Variants in ACER3 observed in about 807,000 individuals in gnomAD.
ACER3 encodes alkaline ceramidase 3.
Under a neutral mutation model 48.9 loss-of-function variants are expected in ACER3, and 16 were observed. The ratio of observed to expected loss-of-function variants is 0.33; its 90% confidence interval spans 0.22 to 0.50. ACER3 has a LOEUF of 0.50. Ranked by LOEUF, ACER3 falls within the 20% of genes least tolerant of loss-of-function variation. The pLI is 0.98. For missense variants in ACER3, 227 were observed against 326.0 expected, an observed-to-expected ratio of 0.70 and a Z score of 2.34; for synonymous variants, 109 against 107.8, an observed-to-expected ratio of 1.01 and a Z score of -0.07.
chr11:76,975,874 C>CTTTTTTT (rs34786738), intron 3 of ACER3, among the ~76,000 whole-genome samples: 55 of 82,772 alleles, frequency 6.6e-4, no homozygotes, highest in African/African-American at 2.4e-3. Context: ...TTTTTCTTTT[C>CTTTTTTT]TTTTTTTTTT....
At chr11:76,940,660 G>A (rs1456509832) in intron 2 of ACER3, among the ~76,000 whole-genome samples, 1 of 152,116 alleles carries the variant, frequency 6.6e-6, no homozygotes, top group Non-Finnish European at 1.5e-5. Context: ...ACCAACTGTG[G>A]TGGTAAATGA....
intron 1 of ACER3, among the ~76,000 whole-genome samples, chr11:76,874,117 T>C (rs7117682): frequency 0.6 from 90,634 of 152,000 alleles, 29,364 homozygotes; most frequent in Non-Finnish European, 0.74. Context: ...ATGAAAGTCC[T>C]AGATATTTTA....
At chr11:76,976,465 T>G (rs1336932956) in intron 4 of ACER3, 124 bp downstream of exon 4, 1 of 597,224 alleles carries the variant, frequency 1.7e-6, no homozygotes, top group African/African-American at 1.9e-5. Flanking sequence ...GATTATAAAT[T>G]TTATGATATC....
At chr11:76,973,021 T>C (rs114233139) in intron 3 of ACER3, among the ~76,000 whole-genome samples, 1,637 of 152,340 alleles carry the variant, frequency 0.011, 36 homozygotes, top group African/African-American at 0.037. Context: ...AAATGTTCCT[T>C]TGTCAAGATA....
chr11:76,952,140 A>G (rs1301308776), intron 2 of ACER3, among the ~76,000 whole-genome samples: 1 of 59,890 alleles, frequency 1.7e-5, no homozygotes, highest in Non-Finnish European at 5.7e-5. Context: ...ATATATATAT[A>G]CACACACACA....
intron 1 of ACER3, among the ~76,000 whole-genome samples, chr11:76,897,025 T>C (rs1945951317): frequency 6.6e-6 from 1 of 152,154 alleles, no homozygotes; most frequent in African/African-American, 2.4e-5. Flanking sequence ...TGGTGCAATC[T>C]CAGCTCACTG....
In ACER3 at chr11:76,950,352, CATATATAT is replaced by C. The variant is rs774580764; in HGVS notation, c.215-8575_215-8568del. Among the ~76,000 whole-genome samples the C allele has an allele frequency of 6.8e-3, 244 of 35,694 alleles. 1 individual carries two copies. The highest frequency in any genetic ancestry group is 0.031 in the Middle Eastern group (1 of 32). The allele number at this position is 35,694 out of a possible 152,430, so 23.4% of individuals were successfully genotyped here. ...GTTTTAAACAGGAGAGTGACATGATCATATATATATATATATATATATATATATATATA... is the reference window on the plus strand; with the variant it reads ...GTTTTAAACAGGAGAGTGACATGATCATATATATATATATATATATATATA... On this transcript the variant is annotated intron_variant, in intron 2 of 10. Transcript: ENST00000532485.
intron 1 of ACER3, among the ~76,000 whole-genome samples, chr11:76,922,779 C>A (rs1466465994): frequency 6.6e-6 from 1 of 151,974 alleles, no homozygotes; most frequent in Non-Finnish European, 1.5e-5. Flanking sequence ...AATTTCTTAA[C>A]CCGCTTTTAC....
chr11:76,969,743 C>T (rs2135116611), intron 3 of ACER3, among the ~76,000 whole-genome samples: 1 of 136,150 alleles, frequency 7.3e-6, no homozygotes, highest in Non-Finnish European at 1.5e-5. Flanking sequence ...GGAATTGAAC[C>T]ATGACAACAC....
intron 2 of ACER3, among the ~76,000 whole-genome samples, chr11:76,932,984 A>T (rs1160694987): frequency 6.6e-6 from 1 of 152,012 alleles, no homozygotes; most frequent in Non-Finnish European, 1.5e-5. Flanking sequence ...GTCAGACCAA[A>T]GGTGGCAGTT....
chr11:76,911,903 T>C (rs1438440341), intron 1 of ACER3, among the ~76,000 whole-genome samples: 1 of 152,206 alleles, frequency 6.6e-6, no homozygotes, highest in Non-Finnish European at 1.5e-5. Flanking sequence ...CCTACCCCAA[T>C]AGAGGCTAAA....
intron 1 of ACER3, among the ~76,000 whole-genome samples, chr11:76,883,438 C>CT (rs60656670): frequency 0.012 from 1,204 of 98,886 alleles, 108 homozygotes; most frequent in East Asian, 0.045. Flanking sequence ...GATTTTCTTG[C>CT]TTTTTTTTTT....
intron 8 of ACER3, among the ~76,000 whole-genome samples, chr11:77,015,723 G>A (rs1949353177): frequency 6.6e-6 from 1 of 152,046 alleles, no homozygotes; most frequent in African/African-American, 2.4e-5. Context: ...AAGAGAGGAG[G>A]GTACTGAACA....
At chr11:76,865,074 A>G (rs555066031) in intron 1 of ACER3, among the ~76,000 whole-genome samples, 5 of 151,652 alleles carry the variant, frequency 3.3e-5, no homozygotes, top group Admixed American at 2.6e-4. Flanking sequence ...CCCAGGCTCA[A>G]GTGATCCTGC....
intron 1 of ACER3, among the ~76,000 whole-genome samples, chr11:76,911,329 C>T (rs1174921326): frequency 2.0e-5 from 3 of 152,140 alleles, no homozygotes; most frequent in East Asian, 1.9e-4. Flanking sequence ...AACTTCCAGA[C>T]GTTGCCATGA....
At chr11:76,893,818 T>A (rs951508013) in intron 1 of ACER3, among the ~76,000 whole-genome samples, 4 of 152,374 alleles carry the variant, frequency 2.6e-5, no homozygotes, top group South Asian at 2.1e-4. Context: ...TACCTTTTTT[T>A]AATCCATGAA....
At chr11:76,870,185 C>G (rs1365710241) in intron 1 of ACER3, among the ~76,000 whole-genome samples, 1 of 145,054 alleles carries the variant, frequency 6.9e-6, no homozygotes, top group Non-Finnish European at 1.5e-5. Flanking sequence ...TCTGTAGATA[C>G]GAGGTCTCAC....
At chr11:76,863,333 T>C (rs1381053741) in intron 1 of ACER3, among the ~76,000 whole-genome samples, 2 of 152,146 alleles carry the variant, frequency 1.3e-5, no homozygotes, top group African/African-American at 4.8e-5. Flanking sequence ...AAATGGGAAA[T>C]GACATTTGTT....
intron 2 of ACER3, among the ~76,000 whole-genome samples, chr11:76,930,637 T>C (rs1946972445): frequency 6.6e-6 from 1 of 151,776 alleles, no homozygotes; most frequent in Non-Finnish European, 1.5e-5. Flanking sequence ...ACTACTTAAA[T>C]GTGTCCCAGA....
Sources: allele counts gnomAD v4.1 joint callset (sites outside exome capture counted in the v4.1 genomes callset), GRCh38; gene constraint gnomAD v4.1.1; transcripts MANE v1.5; gene names NCBI Gene and HGNC (gene_info 2026-07-23, HGNC 2026-07-21).